Variants in MMP16 observed in about 807,000 individuals in gnomAD.
The protein encoded by MMP16 is matrix metalloproteinase-16.
A neutral mutation model predicts 67.8 loss-of-function variants in MMP16; 12 were observed. That is an observed-to-expected ratio of 0.18 (90% CI 0.11 to 0.29). The LOEUF (loss-of-function observed/expected upper bound fraction) is 0.29. Ranked by LOEUF, MMP16 falls within the 10% of genes least tolerant of loss-of-function variation. The probability of loss-of-function intolerance (pLI) is 1.00; values close to 1 mark genes in which losing one functional copy is unlikely to be tolerated. For synonymous variants in MMP16, 249 were observed against 255.9 expected, an observed-to-expected ratio of 0.97 and a Z score of 0.26; for missense variants, 475 against 765.7, an observed-to-expected ratio of 0.62 and a Z score of 4.48.
At chr8:88,072,950 C>T (rs915300047) in intron 7 of MMP16, among the ~76,000 whole-genome samples, 5 of 152,028 alleles carry the variant, frequency 3.3e-5, no homozygotes, top group Admixed American at 6.6e-5. Context: ...GAGTGAGGAG[C>T]GGCAAAGCGA....
At chr8:88,050,602 T>A (rs118181829) in intron 8 of MMP16, among the ~76,000 whole-genome samples, 2 of 152,240 alleles carry the variant, frequency 1.3e-5, no homozygotes, top group Non-Finnish European at 2.9e-5. Flanking sequence ...AGATTTAGTA[T>A]GAATTGTCAC....
At chr8:88,194,098 A>T (rs567042275) in intron 2 of MMP16, among the ~76,000 whole-genome samples, 1 of 152,152 alleles carries the variant, frequency 6.6e-6, no homozygotes, top group Non-Finnish European at 1.5e-5. Flanking sequence ...CATTTAAGGT[A>T]ATACCTTAAT....
At chr8:88,068,905 T>A (rs1048875174) in intron 7 of MMP16, among the ~76,000 whole-genome samples, 2 of 152,102 alleles carry the variant, frequency 1.3e-5, no homozygotes, top group Non-Finnish European at 1.5e-5. Context: ...TTTCACCATG[T>A]TGGCCAGGCT....
chr8:88,249,589 G>A (rs1477000623), intron 1 of MMP16, among the ~76,000 whole-genome samples: 1 of 152,116 alleles, frequency 6.6e-6, no homozygotes, highest in Non-Finnish European at 1.5e-5. Context: ...GAGTGATCCA[G>A]TGTTAGAAAC....
At chr8:88,235,070 C>T (rs1302633924) in intron 1 of MMP16, among the ~76,000 whole-genome samples, 5 of 152,152 alleles carry the variant, frequency 3.3e-5, no homozygotes, top group Admixed American at 2.6e-4. Context: ...TTTTCAGGAT[C>T]ACTGACACAG....
chr8:88,172,686 G>A (rs1047752678), intron 3 of MMP16, among the ~76,000 whole-genome samples: 12 of 152,112 alleles, frequency 7.9e-5, no homozygotes, highest in African/African-American at 2.9e-4. Context: ...TGTGAAAAGA[G>A]TAAAGTGAGT....
intron 8 of MMP16, among the ~76,000 whole-genome samples, chr8:88,047,571 G>T (rs779205082): frequency 3.9e-5 from 6 of 152,084 alleles, no homozygotes; most frequent in Non-Finnish European, 8.8e-5. Context: ...AACATTCCAG[G>T]CAGAGAAACT....
intron 3 of MMP16, among the ~76,000 whole-genome samples, chr8:88,174,761 T>C (rs1224139668): frequency 1.3e-5 from 2 of 151,782 alleles, no homozygotes; most frequent in East Asian, 3.9e-4. Flanking sequence ...TGACTGCTTT[T>C]TTTTTTTTTT....
intron 7 of MMP16, among the ~76,000 whole-genome samples, chr8:88,068,224 T>G (rs1278876483): frequency 6.6e-6 from 1 of 152,096 alleles, no homozygotes; most frequent in Admixed American, 6.6e-5. Context: ...TGGTAAAGCT[T>G]TTGTTCAATA....
At chr8:88,206,131 A>G (rs1447442904) in intron 1 of MMP16, among the ~76,000 whole-genome samples, 1 of 151,776 alleles carries the variant, frequency 6.6e-6, no homozygotes. Flanking sequence ...CTTTTTTTAA[A>G]TTGTGGTAAA....
chr8:88,226,925 A>C (rs6994833), intron 1 of MMP16, among the ~76,000 whole-genome samples: 1 of 151,794 alleles, frequency 6.6e-6, no homozygotes. Flanking sequence ...CTCGGAAATC[A>C]TTTTGATTAA....
At chr8:88,184,037 C>G (rs934717156) in intron 3 of MMP16, among the ~76,000 whole-genome samples, 1 of 152,120 alleles carries the variant, frequency 6.6e-6, no homozygotes, top group Non-Finnish European at 1.5e-5. Flanking sequence ...CAAGCCACCG[C>G]GCCCGGCCCA....
chr8:88,055,614 T>C (rs186439354), intron 8 of MMP16, among the ~76,000 whole-genome samples: 36 of 152,336 alleles, frequency 2.4e-4, no homozygotes, highest in Admixed American at 1.6e-3. Flanking sequence ...AAAAATATTA[T>C]ACTTCAAGCT....
intron 3 of MMP16, among the ~76,000 whole-genome samples, chr8:88,174,042 T>C (rs887449235): frequency 6.6e-6 from 1 of 152,140 alleles, no homozygotes; most frequent in African/African-American, 2.4e-5. Context: ...TGTTTCTGTG[T>C]AGGCATTTAA....
At chr8:88,160,978 T>C (rs1001387052) in intron 4 of MMP16, among the ~76,000 whole-genome samples, 14 of 152,188 alleles carry the variant, frequency 9.2e-5, no homozygotes, top group African/African-American at 3.1e-4. Flanking sequence ...TTTGCATCGA[T>C]GTTCATCAGG....
chr8:88,239,002 C>T (rs13347394), intron 1 of MMP16, among the ~76,000 whole-genome samples: 5,356 of 152,086 alleles, frequency 0.035, 247 homozygotes, highest in African/African-American at 0.11. Context: ...TCCCATTAGT[C>T]TAGGGAGAAA....
At chr8:88,075,938 T>TACTCAC (rs376749876) in intron 6 of MMP16, among the ~76,000 whole-genome samples, 1 of 140,410 alleles carries the variant, frequency 7.1e-6, no homozygotes, top group Admixed American at 7.3e-5. Context: ...CATATATTCA[T>TACTCAC]ACACACACAC....
chr8:88,254,113 T>C (rs1461055329), intron 1 of MMP16, among the ~76,000 whole-genome samples: 1 of 152,156 alleles, frequency 6.6e-6, no homozygotes, highest in Non-Finnish European at 1.5e-5. Flanking sequence ...ATATACATCA[T>C]GGAATACTAT....
At chr8:88,255,786 T>C (rs982229791) in intron 1 of MMP16, among the ~76,000 whole-genome samples, 1 of 152,202 alleles carries the variant, frequency 6.6e-6, no homozygotes, top group Non-Finnish European at 1.5e-5. Context: ...ACTTCCACAC[T>C]GACGAACTGC....
Sources: allele counts gnomAD v4.1 joint callset (sites outside exome capture counted in the v4.1 genomes callset), GRCh38; gene constraint gnomAD v4.1.1; transcripts MANE v1.5; gene names NCBI Gene and HGNC (gene_info 2026-07-23, HGNC 2026-07-21).